The following TMEM260 variants were observed in gnomAD, a reference collection of about 807,000 sequenced individuals.
TMEM260 encodes the protein transmembrane protein 260, also known as protein O-mannosyl-transferase TMEM260.
A neutral mutation model predicts 88.9 loss-of-function variants in TMEM260; 82 were observed. The observed-to-expected ratio is 0.92, with a 90% CI of 0.77 to 1.11. The LOEUF (loss-of-function observed/expected upper bound fraction) is 1.11. TMEM260 is among the 50% of genes least tolerant of loss of function. The probability of loss-of-function intolerance (pLI) is 0.00; values close to 1 mark genes in which losing one functional copy is unlikely to be tolerated. For synonymous variants in TMEM260, 314 were observed against 309.3 expected (o/e 1.02, Z -0.16); for missense variants, 902 against 853.4 (o/e 1.06, Z -0.71).
intron 7 of TMEM260, 48 bp from the exon 8 acceptor site, chr14:56,615,896 C>T (rs373944013): frequency 7.9e-7 from 1 of 1,261,606 alleles, no homozygotes; most frequent in Non-Finnish European, 1.2e-6. Flanking sequence ...TATTTGGAAT[C>T]AATCAAATTT....
Position 56,647,487 on chromosome 14 carries a change from A to G in TMEM260, c.2114A>G (p.Lys705Arg). ...RKELQSLRNR[K>R]NV Reference sequence around the variant, plus strand: ...GAACTGCAAAGTCTGAGAAATAGGAAAAATGTCTGAGACAGCAAAATATGA... The same window carrying G: ...GAACTGCAAAGTCTGAGAAATAGGAGAAATGTCTGAGACAGCAAAATATGA... Residue 705 changes from lysine to arginine, a missense_variant, in exon 16 of 16, where the codon AAA becomes AGA. By Grantham distance (26) the Lys-to-Arg change is conservative. Coordinates refer to ENST00000261556, the MANE Select transcript of TMEM260 (RefSeq NM_017799.4). 6.3e-7 allele frequency: 1 copy of G among 1,597,670 alleles called. No homozygotes were observed. The highest frequency in any genetic ancestry group is 8.5e-7 in the Non-Finnish European group (1 of 1,175,252).
chr14:56,638,816 CTATAGGAA>C (rs1889334334), intron 15 of TMEM260, among the ~76,000 whole-genome samples: 1 of 152,024 alleles, frequency 6.6e-6, no homozygotes, highest in African/African-American at 2.4e-5. Flanking sequence ...GTAGGCAATG[CTATAGGAA>C]TAAATTGGAT....
At chr14:56,643,370 A>T (rs911900068) in intron 15 of TMEM260, among the ~76,000 whole-genome samples, 12 of 152,342 alleles carry the variant, frequency 7.9e-5, no homozygotes, top group Admixed American at 5.2e-4. Context: ...CAAATCAATC[A>T]ATGTAATCCA....
intron 12 of TMEM260, among the ~76,000 whole-genome samples, chr14:56,629,988 C>T (rs1888480436): frequency 6.6e-6 from 1 of 151,220 alleles, no homozygotes; most frequent in South Asian, 2.1e-4. Context: ...CTGCAGTGAG[C>T]TATGATTGTG....
downstream of TMEM260, among the ~76,000 whole-genome samples, chr14:56,654,986 T>C (rs562058147): frequency 2.6e-5 from 4 of 152,302 alleles, no homozygotes; most frequent in South Asian, 6.2e-4. Context: ...TGTGAAAATA[T>C]AGACTGTAGT....
intron 7 of TMEM260, among the ~76,000 whole-genome samples, chr14:56,614,156 G>T (rs1197296981): frequency 3.4e-5 from 5 of 149,186 alleles, no homozygotes; most frequent in Non-Finnish European, 7.4e-5. Context: ...TGATCCACCT[G>T]CCTCGGCCTC....
chr14:56,597,043 A>G (rs1037311849), intron 3 of TMEM260, among the ~76,000 whole-genome samples: 21 of 152,178 alleles, frequency 1.4e-4, no homozygotes, highest in Admixed American at 1.2e-3. Context: ...GAACCTAGAG[A>G]AGGGGCAAGT....
chr14:56,619,321 C>G (rs947648945), intron 10 of TMEM260: 4 of 152,664 alleles, frequency 2.6e-5, no homozygotes, highest in Admixed American at 6.5e-5. Context: ...TGGACACATG[C>G]CACCATTAGC....
chr14:56,654,412 G>T (rs1213896368), downstream of TMEM260, among the ~76,000 whole-genome samples: 2 of 152,118 alleles, frequency 1.3e-5, no homozygotes, highest in Non-Finnish European at 2.9e-5. Context: ...CTGTATTTTA[G>T]AGAAAGAAAT....
the TMEM260 span, among the ~76,000 whole-genome samples, chr14:56,656,048 G>C: frequency 6.6e-6 from 1 of 152,164 alleles, no homozygotes; most frequent in Non-Finnish European, 1.5e-5. Flanking sequence ...GATTGCACCA[G>C]AAGCACTGTA....
chr14:56,632,995 A>T lies in TMEM260; in HGVS notation c.1548A>T (p.Gln516His). The T allele has an allele frequency of 6.2e-7, 1 of 1,613,302 alleles. No individual in the cohort carries two copies. The highest frequency in any genetic ancestry group is 8.5e-7 in the Non-Finnish European group (1 of 1,179,626). Residue 516 changes from glutamine to histidine, a missense_variant and splice_region_variant, in exon 13 of 16, where the codon CAA (glutamine) becomes CAT (histidine). Gln to His is a conservative substitution (Grantham distance 24). Transcript: ENST00000261556. ...NLYHFLEVNK[Q>H]KETFVCIGIH... ...TCATGTATTTTTCTGTTTCCAACAGAAAAGAAACATTTGTTTGCATAGGAA... is the reference window on the plus strand; with the variant it reads ...TCATGTATTTTTCTGTTTCCAACAGTAAAGAAACATTTGTTTGCATAGGAA...
At position 56,647,437 on chromosome 14, in the gene TMEM260, A is replaced by C; in HGVS notation, c.2064A>C (p.Leu688Phe). The C allele has an allele frequency of 6.2e-7, 1 of 1,614,172 alleles. No homozygotes were observed. Among genetic ancestry groups the C allele is most frequent in the Non-Finnish European group, 8.5e-7 (1 of 1,180,036 alleles). The change falls in exon 16 of 16, where the codon TTA (leucine) becomes TTC (phenylalanine). Residue 688 changes from leucine to phenylalanine, a missense_variant. Transcript: ENST00000261556. ...APNDPQQADI[L>F]GALKHLRKEL... ...ATGACCCACAGCAAGCTGATATTTT[A>C]GGTGCTCTAAAGCACCTAAGAAAAG...
At chr14:56,641,346 G>A (rs1299182420) in intron 15 of TMEM260, among the ~76,000 whole-genome samples, 3 of 152,160 alleles carry the variant, frequency 2.0e-5, no homozygotes, top group African/African-American at 7.2e-5. Flanking sequence ...CCAGAAGAGG[G>A]TGGGGGCCAA....
Position 56,625,451 on chromosome 14 carries a change from C to G in TMEM260, c.1468C>G (p.Arg490Gly), listed in dbSNP as rs371601076. 37 of 1,613,506 alleles carry G rather than the reference C, an allele frequency of 2.3e-5. No individual in the cohort carries two copies. The highest frequency in any genetic ancestry group is 1.8e-4 in the East Asian group (8 of 44,854). Residue 490 changes from arginine (R) to glycine (G), a missense_variant, in exon 12 of 16, where the codon CGG becomes GGG. Coordinates refer to ENST00000261556, the MANE Select transcript of TMEM260 (RefSeq NM_017799.4). ...GCCAGGTGTCAACTTTCCTGGGAAC[C>G]GGTGGAATCCTGTGGAAGGAATATT... is the stretch of plus-strand genomic sequence containing the variant. ...HLPGVNFPGNRWNPVEGILPS... is the reference protein window; with the variant it reads ...HLPGVNFPGNGWNPVEGILPS...
At chr14:56,625,552 TAGCTTTTCTAAAATCTTA>T (rs1888200181) in intron 12 of TMEM260, 22 bp downstream of exon 12, 2 of 1,552,412 alleles carry the variant, frequency 1.3e-6, no homozygotes, top group Non-Finnish European at 1.8e-6. Flanking sequence ...TTTTATATAA[TAGCTTTTCTAAAATCTTA>T]AGCTTTTCTA....
chr14:56,647,523 C>A lies in TMEM260; in HGVS notation c.*26C>A. 2 of 1,554,650 alleles carry A rather than the reference C, an allele frequency of 1.3e-6. No homozygotes were observed. The highest frequency in any genetic ancestry group is 2.4e-5 in the South Asian group (2 of 82,480). On this transcript the variant is annotated 3_prime_UTR_variant, in exon 16 of 16. Transcript: ENST00000261556. ...GACAGCAAAATATGAAAAACCTGCT[C>A]ATCGTTCAGCTTCCAAAATTCTGAA...
chr14:56,645,999 G>T (rs1256622678), intron 15 of TMEM260, among the ~76,000 whole-genome samples: 1 of 151,962 alleles, frequency 6.6e-6, no homozygotes, highest in Non-Finnish European at 1.5e-5. Context: ...TTGCTTTGTG[G>T]GCCAGGCTGG....
chr14:56,583,606 A>G (rs1885279669), intron 1 of TMEM260, among the ~76,000 whole-genome samples: 1 of 152,142 alleles, frequency 6.6e-6, no homozygotes, highest in South Asian at 2.1e-4. Flanking sequence ...GGCCATCTAA[A>G]GTGCTAAATA....
At chr14:56,660,206 A>G in the TMEM260 span, among the ~76,000 whole-genome samples, 6 of 152,308 alleles carry the variant, frequency 3.9e-5, no homozygotes, top group African/African-American at 9.6e-5. Context: ...GCTTGTTTGT[A>G]ATTGCTTCTG....
Sources: gnomAD v4.1 joint callset for allele counts (sites outside exome capture counted in the v4.1 genomes callset) on GRCh38, gnomAD v4.1.1 for gene constraint, MANE v1.5 for transcripts, NCBI Gene and HGNC (gene_info 2026-07-23, HGNC 2026-07-21) for gene names.